XKR4: variants seen among roughly 807,000 people sequenced by gnomAD.
The protein encoded by XKR4 is XK related 4.
Under a neutral mutation model 53.9 loss-of-function variants are expected in XKR4, and 12 were observed. That is an observed-to-expected ratio of 0.22 (90% confidence interval 0.14 to 0.36). The LOEUF (loss-of-function observed/expected upper bound fraction) is 0.36. Ranked by LOEUF, XKR4 falls within the 10% of genes least tolerant of loss-of-function variation. The pLI is 1.00. For synonymous variants in XKR4, 354 were observed against 362.4 expected (o/e 0.98, Z 0.26); for missense variants, 799 against 859.5 (o/e 0.93, Z 0.88).
intron 2 of XKR4, among the ~76,000 whole-genome samples, chr8:55,457,888 A>G (rs1252829947): frequency 6.6e-6 from 1 of 152,242 alleles, no homozygotes; most frequent in Non-Finnish European, 1.5e-5. Flanking sequence ...ATGGAATTAT[A>G]TTAAAGTTGC....
At chr8:55,241,571 G>A (rs1818211088) in intron 1 of XKR4, among the ~76,000 whole-genome samples, 1 of 152,112 alleles carries the variant, frequency 6.6e-6, no homozygotes, top group South Asian at 2.1e-4. Flanking sequence ...GTTGTTTCCT[G>A]CCTAAAGGAG....
chr8:55,136,074 A>G (rs1585897329), intron 1 of XKR4, among the ~76,000 whole-genome samples: 2 of 152,116 alleles, frequency 1.3e-5, no homozygotes, highest in Non-Finnish European at 2.9e-5. Flanking sequence ...TTGTATTTTT[A>G]GTAGAAACAG....
At chr8:55,378,650 A>G (rs1049891141) in intron 2 of XKR4, among the ~76,000 whole-genome samples, 29 of 152,194 alleles carry the variant, frequency 1.9e-4, no homozygotes, top group African/African-American at 7.0e-4. Context: ...CTGCACATAG[A>G]AATTGCCTAT....
chr8:55,251,059 G>C (rs150471273), intron 1 of XKR4, among the ~76,000 whole-genome samples: 1 of 152,204 alleles, frequency 6.6e-6, no homozygotes, highest in African/African-American at 2.4e-5. Context: ...ATAGGTGTAC[G>C]TATAGATATA....
intron 1 of XKR4, among the ~76,000 whole-genome samples, chr8:55,180,531 C>T (rs913419628): frequency 6.6e-6 from 1 of 152,012 alleles, no homozygotes; most frequent in Non-Finnish European, 1.5e-5. Context: ...TACAAAAATA[C>T]GTATTCTTTT....
intron 1 of XKR4, among the ~76,000 whole-genome samples, chr8:55,230,658 G>A (rs111265563): frequency 1.4e-3 from 208 of 152,246 alleles, no homozygotes; most frequent in African/African-American, 4.7e-3. Flanking sequence ...ATGAGCCACC[G>A]TGCCCAGCTG....
intron 2 of XKR4, among the ~76,000 whole-genome samples, chr8:55,364,085 G>C (rs1476767797): frequency 6.6e-6 from 1 of 152,086 alleles, no homozygotes; most frequent in African/African-American, 2.4e-5. Flanking sequence ...AAAATGAGAG[G>C]GGGGCTTACA....
chr8:55,281,716 C>A (rs954624101), intron 1 of XKR4, among the ~76,000 whole-genome samples: 1 of 152,172 alleles, frequency 6.6e-6, no homozygotes, highest in Non-Finnish European at 1.5e-5. Context: ...TAATTTCTCT[C>A]GCTGTTTATA....
At position 55,538,851 on chromosome 8, in the gene XKR4, G is replaced by A; in HGVS notation, c.*14624G>A. ...TGAGTATCCTCTTCACCCCTAAGAT[G>A]ACACATCTTTACAACACAATAAAAG... On this transcript the variant is annotated 3_prime_UTR_variant, in exon 3 of 3. Coordinates refer to ENST00000327381, the MANE Select transcript of XKR4 (RefSeq NM_052898.2). 1 of 152,144 alleles carries A rather than the reference G, an allele frequency of 6.6e-6. No homozygotes were observed. Among genetic ancestry groups the A allele is most frequent in the East Asian group, 1.9e-4 (1 of 5,186 alleles). The allele number at this position is 152,144 out of a possible 1,614,324, so 9.4% of individuals were successfully genotyped here.
chr8:55,270,124 T>C (rs1563497897), intron 1 of XKR4, among the ~76,000 whole-genome samples: 1 of 152,136 alleles, frequency 6.6e-6, no homozygotes. Flanking sequence ...TGGGGTGTGT[T>C]CCCTGCACTC....
intron 1 of XKR4, among the ~76,000 whole-genome samples, chr8:55,191,705 T>A (rs1185590420): frequency 6.7e-6 from 1 of 150,212 alleles, no homozygotes; most frequent in East Asian, 2.0e-4. Flanking sequence ...TTTTTGGGAG[T>A]TTCAGAAAGT....
intron 2 of XKR4, among the ~76,000 whole-genome samples, chr8:55,516,428 A>G (rs1806715044): frequency 6.6e-6 from 1 of 152,226 alleles, no homozygotes; most frequent in Non-Finnish European, 1.5e-5. Context: ...TAAATCATCC[A>G]TTCTTAAAAC....
At chr8:55,185,650 G>A (rs1010024306) in intron 1 of XKR4, among the ~76,000 whole-genome samples, 2 of 152,330 alleles carry the variant, frequency 1.3e-5, no homozygotes, top group Admixed American at 6.5e-5. Flanking sequence ...GGGCTCCAGG[G>A]CTTGCCATCA....
At chr8:55,470,979 A>G (rs1315903532) in intron 2 of XKR4, among the ~76,000 whole-genome samples, 1 of 152,184 alleles carries the variant, frequency 6.6e-6, no homozygotes, top group African/African-American at 2.4e-5. Flanking sequence ...CCATCAGGAC[A>G]TTTTAAATAA....
chr8:55,233,576 C>T (rs1483314981), intron 1 of XKR4, among the ~76,000 whole-genome samples: 2 of 152,238 alleles, frequency 1.3e-5, no homozygotes, highest in Non-Finnish European at 2.9e-5. Context: ...TATCACATGG[C>T]CAGGGGCCAT....
rs566449772 is a variant in XKR4, at chr8:55,227,871, G to A, written c.806+124577G>A. On this transcript the variant is annotated intron_variant, in intron 1 of 2. Transcript: ENST00000327381. Reference sequence around the variant, plus strand: ...TTCTATGAATCCATGGCTTTTGTTGGTTCTCTGTATGCCACATAATATCAT... The same window carrying A: ...TTCTATGAATCCATGGCTTTTGTTGATTCTCTGTATGCCACATAATATCAT... Among the ~76,000 whole-genome samples, 8 of 152,272 alleles carry A rather than the reference G, an allele frequency of 5.3e-5. No homozygotes were observed. The South Asian group carries it at 1.5e-3, about 28-fold the overall frequency.
At chr8:55,221,842 C>T (rs1181516922) in intron 1 of XKR4, among the ~76,000 whole-genome samples, 1 of 152,200 alleles carries the variant, frequency 6.6e-6, no homozygotes, top group African/African-American at 2.4e-5. Flanking sequence ...TGGTTGGACA[C>T]TGGCCCACTC....
intron 1 of XKR4, among the ~76,000 whole-genome samples, chr8:55,217,143 G>A (rs544513955): frequency 1.5e-4 from 22 of 149,762 alleles, no homozygotes; most frequent in Non-Finnish European, 2.5e-4. Flanking sequence ...TCGGGAGGCT[G>A]AGCCAGGAGA....
At chr8:55,479,615 GT>G (rs1806065996) in intron 2 of XKR4, among the ~76,000 whole-genome samples, 1 of 152,120 alleles carries the variant, frequency 6.6e-6, no homozygotes. Flanking sequence ...CCAGGAGATT[GT>G]TTTTTGAAAA....
Sources: gnomAD v4.1 joint callset for allele counts (sites outside exome capture counted in the v4.1 genomes callset) on GRCh38, gnomAD v4.1.1 for gene constraint, MANE v1.5 for transcripts, NCBI Gene and HGNC (gene_info 2026-07-23, HGNC 2026-07-21) for gene names.